POLR2D: variants seen among roughly 807,000 people sequenced by gnomAD.
POLR2D encodes DNA-directed RNA polymerase II subunit RPB4.
POLR2D carries 10 observed loss-of-function variants against 17.6 expected under a neutral mutation model. The ratio of observed to expected loss-of-function variants is 0.57; its 90% CI spans 0.35 to 0.96. The LOEUF (loss-of-function observed/expected upper bound fraction) is 0.96, where lower values mean the gene tolerates loss of function less well. POLR2D is among the 40% of genes least tolerant of loss of function. The probability of loss-of-function intolerance (pLI) is 0.02; values close to 1 mark genes in which losing one functional copy is unlikely to be tolerated. For synonymous variants in POLR2D, 52 were observed against 60.2 expected, an observed-to-expected ratio of 0.86 and a Z score of 0.63; for missense variants, 126 against 176.4, an observed-to-expected ratio of 0.71 and a Z score of 1.62.
chr2:127,853,785 G>A (rs1690287098), intron 1 of POLR2D, among the ~76,000 whole-genome samples: 1 of 152,052 alleles, frequency 6.6e-6, no homozygotes, highest in Non-Finnish European at 1.5e-5. Context: ...TCCTTTTTAT[G>A]CCTGCAGCTA....
Position 127,847,758 on chromosome 2 carries a change from C to A in POLR2D, c.*349G>T. The A allele has an allele frequency of 1.5e-5, 4 of 269,636 alleles. No individual in the cohort carries two copies. The South Asian group carries it at 1.6e-4, about 11-fold the overall frequency. The allele number at this position is 269,636 out of a possible 1,614,324, so 16.7% of individuals were successfully genotyped here. ...GGTCTAGTTTCAAAAAGTATAAACA[C>A]CCTGAAATTAAAACATGAAATATTA... On this transcript the variant is annotated 3_prime_UTR_variant, in exon 4 of 4. Coordinates refer to ENST00000272645, the MANE Select transcript of POLR2D (RefSeq NM_004805.4).
Position 127,850,611 on chromosome 2 carries a change from T to TG in POLR2D, c.328_329insC (p.Glu110AlafsTer14). The TG allele has an allele frequency of 6.4e-7, 1 of 1,565,560 alleles. No homozygotes were observed. The highest frequency in any genetic ancestry group is 8.7e-7 in the Non-Finnish European group (1 of 1,144,984). ...TAACCTTGGGATTAGAGCCTTGGAC[T>TG]CCTCAGCAGTCTCTGGGCAAAGGTT... On this transcript the variant is annotated frameshift_variant, in exon 3 of 4. Coordinates refer to ENST00000272645, the MANE Select transcript of POLR2D (RefSeq NM_004805.4). LOFTEE classifies it high-confidence loss of function.
At chr2:127,856,082 A>C (rs1452390543) in intron 1 of POLR2D, among the ~76,000 whole-genome samples, 1 of 151,890 alleles carries the variant, frequency 6.6e-6, no homozygotes, top group East Asian at 1.9e-4. Flanking sequence ...CAGGAGTTCA[A>C]GACCAGCCTG....
At position 127,846,953 on chromosome 2, in the gene POLR2D, A is replaced by T. The variant is rs1012977508; in HGVS notation, c.*1154T>A. 4 of 152,744 alleles carry T rather than the reference A, an allele frequency of 2.6e-5. No individual in the cohort carries two copies. The highest frequency in any genetic ancestry group is 9.7e-5 in the African/African-American group (4 of 41,428). The allele number at this position is 152,744 out of a possible 1,614,324, so 9.5% of individuals were successfully genotyped here. On this transcript the variant is annotated 3_prime_UTR_variant, in exon 4 of 4. Transcript: ENST00000272645. ...TGACTGCTGCGGCCTCTACGTTTCAAATGATGAATTTCTTAGTAGCCTTGT... is the reference window on the plus strand; with the variant it reads ...TGACTGCTGCGGCCTCTACGTTTCATATGATGAATTTCTTAGTAGCCTTGT...
At chr2:127,856,331 C>G (rs1690329496) in intron 1 of POLR2D, among the ~76,000 whole-genome samples, 2 of 110,376 alleles carry the variant, frequency 1.8e-5, no homozygotes, top group Non-Finnish European at 3.8e-5. Flanking sequence ...GTGGCTCACA[C>G]CTGTAATCTC....
intron 1 of POLR2D, 130 bp downstream of exon 1, chr2:127,857,898 C>A: frequency 7.2e-7 from 1 of 1,391,172 alleles, no homozygotes; most frequent in African/African-American, 1.5e-5. Flanking sequence ...GTTCCCTCCC[C>A]AGCCCCACGC....
At chr2:127,855,811 A>G (rs1306574190) in intron 1 of POLR2D, among the ~76,000 whole-genome samples, 1 of 152,260 alleles carries the variant, frequency 6.6e-6, no homozygotes, top group Middle Eastern at 3.4e-3. Context: ...ATACACACAC[A>G]CACACACACA....
intron 1 of POLR2D, among the ~76,000 whole-genome samples, chr2:127,856,619 AAATT>A (rs1394211661): frequency 1.1e-4 from 16 of 152,126 alleles, no homozygotes; most frequent in Middle Eastern, 3.4e-3. Context: ...TAAAAAAAAT[AAATT>A]AACAACTAAA....
At chr2:127,850,810 G>C (rs34706819) in intron 2 of POLR2D, 125 bp from the exon 3 acceptor site, 2 of 603,068 alleles carry the variant, frequency 3.3e-6, no homozygotes, top group Non-Finnish European at 6.0e-6. Context: ...TAGACGGCCA[G>C]GTGTAGTGGC....
At chr2:127,849,965 A>G (rs1467319876) in intron 3 of POLR2D, among the ~76,000 whole-genome samples, 1 of 152,264 alleles carries the variant, frequency 6.6e-6, no homozygotes, top group Non-Finnish European at 1.5e-5. Context: ...GATATGTACC[A>G]GGAATGGATT....
chr2:127,850,038 T>C (rs916979991), intron 3 of POLR2D, among the ~76,000 whole-genome samples: 2 of 152,226 alleles, frequency 1.3e-5, no homozygotes, highest in African/African-American at 4.8e-5. Flanking sequence ...AAAATGATTG[T>C]TCTAATTAAC....
At chr2:127,851,655 C>T (rs1169309856) in intron 2 of POLR2D, among the ~76,000 whole-genome samples, 1 of 152,118 alleles carries the variant, frequency 6.6e-6, no homozygotes, top group African/African-American at 2.4e-5. Flanking sequence ...ATGATCAATA[C>T]CCTCAATACC....
At chr2:127,850,439 T>TAAA (rs1690232299) in intron 3 of POLR2D, 151 bp downstream of exon 3, 1 of 214,690 alleles carries the variant, frequency 4.7e-6, no homozygotes, top group African/African-American at 1.3e-4. Flanking sequence ...AAACTCCGTC[T>TAAA]CAAAAAAAAA....
rs1690117839 is a variant in POLR2D, at chr2:127,844,434, T to A, written c.*3673A>T. The stretch of plus-strand genomic sequence containing the variant: ...TTTGACAACCTATCTTTTTGTTGTA[T>A]CAGTATGTTCCCAAATTCTTTCCTG... On this transcript the variant is annotated 3_prime_UTR_variant, in exon 4 of 4. Transcript: ENST00000272645. 6.6e-6 allele frequency: 1 copy of A among 152,222 alleles called. No individual in the cohort carries two copies. Among genetic ancestry groups the A allele is most frequent in the Non-Finnish European group, 1.5e-5 (1 of 68,034 alleles). The allele number at this position is 152,222 out of a possible 1,614,324, so 9.4% of individuals were successfully genotyped here.
rs1391978228 is a variant in POLR2D, at chr2:127,856,048, C to T, written c.73+1980G>A. On this transcript the variant is annotated intron_variant, in intron 1 of 3. Coordinates refer to ENST00000272645, the MANE Select transcript of POLR2D (RefSeq NM_004805.4). ...TATACTTTCTAACACTTTGGGTGGT[C>T]GAGGCGGGCAGATTACCTGAGCCCA... Among the ~76,000 whole-genome samples the T allele has an allele frequency of 2.6e-5, 4 of 151,708 alleles. 1 individual carries two copies. Among genetic ancestry groups the T allele is most frequent in the South Asian group, 4.2e-4 (2 of 4,804 alleles).
intron 1 of POLR2D, chr2:127,857,166 A>C (rs1302998129): frequency 6.6e-6 from 1 of 152,112 alleles, no homozygotes; most frequent in East Asian, 1.9e-4. Flanking sequence ...AATTTTTTTA[A>C]TGGGCCAGGT....
In POLR2D at chr2:127,848,075, T is replaced by C. The variant is rs1443314854; in HGVS notation, c.*32A>G. On this transcript the variant is annotated 3_prime_UTR_variant, in exon 4 of 4. Transcript: ENST00000272645. ...GAAGGTGGTGTTATGCCTGGGGATG[T>C]GGTTTCTCCGAGCAGCAGTGATGTT... 3.5e-6 allele frequency: 5 copies of C among 1,428,500 alleles called. No individual in the cohort carries two copies. In the African/African-American group the frequency reaches 5.6e-5, roughly 16 times the overall value. 88.5% of individuals were successfully genotyped at this position (1,428,500 alleles called of 1,614,324 possible).
At position 127,844,171 on chromosome 2, in the gene POLR2D, T is replaced by C. The variant is rs925220975; in HGVS notation, c.*3936A>G. 2.1e-5 allele frequency: 3 copies of C among 145,588 alleles called. No individual in the cohort carries two copies. The highest frequency in any genetic ancestry group is 4.5e-5 in the Non-Finnish European group (3 of 67,162). 9.0% of individuals were successfully genotyped at this position (145,588 alleles called of 1,614,324 possible). On this transcript the variant is annotated 3_prime_UTR_variant, in exon 4 of 4. Coordinates refer to ENST00000272645, the MANE Select transcript of POLR2D (RefSeq NM_004805.4). ...TCTACCATAAGGAGTGTTCATTCCC[T>C]ATGGAAGATGCAGAAAAAAAGGCAC...
At position 127,858,085 on chromosome 2, in the gene POLR2D, T is replaced by C. The variant is rs745343435; in HGVS notation, c.16A>G (p.Ser6Gly). MAAGG[S>G]DPRAGDVEED... ...TCTACGTCGCCAGCCCGCGGATCGCTGCCACCCGCCGCCATCGCCGCGCCG... is the reference window on the plus strand; with the variant it reads ...TCTACGTCGCCAGCCCGCGGATCGCCGCCACCCGCCGCCATCGCCGCGCCG... Residue 6 changes from serine (S) to glycine (G), a missense_variant, in exon 1 of 4, where the codon AGC (serine) becomes GGC (glycine). By Grantham distance (56) the Ser-to-Gly change is moderately conservative. Around this residue, in one of 2 missense-constraint regions of POLR2D, gnomAD observed 41 missense variants for 24.9 expected, o/e 1.64. Transcript: ENST00000272645. 2.5e-5 allele frequency: 38 copies of C among 1,524,030 alleles called. No individual in the cohort carries two copies. The highest frequency in any genetic ancestry group is 7.2e-5 in the African/African-American group (5 of 69,334). The allele number at this position is 1,524,030 out of a possible 1,614,324, so 94.4% of individuals were successfully genotyped here.
Sources: gnomAD v4.1 joint callset for allele counts (sites outside exome capture counted in the v4.1 genomes callset) on GRCh38, gnomAD v4.1.1 for gene constraint, gnomAD v4.1.1 regional missense constraint, MANE v1.5 for transcripts, NCBI Gene and HGNC (gene_info 2026-07-23, HGNC 2026-07-21) for gene names.